Variants in WDR47 observed in about 807,000 individuals in gnomAD.
WDR47 encodes WD repeat domain 47.
In WDR47, 32 loss-of-function variants were observed where a neutral mutation model predicts 97.2. The observed-to-expected ratio is 0.33, with a 90% CI of 0.25 to 0.44. WDR47 has a LOEUF of 0.44. Among genes scored for constraint, WDR47 ranks in the 20% least tolerant of loss-of-function variants. The probability of loss-of-function intolerance (pLI) is 1.00; values close to 1 mark genes in which losing one functional copy is unlikely to be tolerated. For missense variants in WDR47, 782 were observed against 1,102.3 expected (o/e 0.71, Z 4.11); for synonymous variants, 375 against 373.5 (o/e 1.00, Z -0.05).
At chr1:109,023,316 C>T (rs200593471) in intron 2 of WDR47, 39 bp downstream of exon 2, 187 of 1,585,676 alleles carry the variant, frequency 1.2e-4, no homozygotes, top group Non-Finnish European at 1.6e-4. Flanking sequence ...AACATTTCTT[C>T]GAAGGAGCTA....
chr1:108,977,566 T>C (rs1224128611), intron 13 of WDR47, among the ~76,000 whole-genome samples: 3 of 152,206 alleles, frequency 2.0e-5, no homozygotes, highest in Non-Finnish European at 2.9e-5. Flanking sequence ...AGAACTCTTT[T>C]TAAGGCCAGG....
At chr1:108,992,311 C>T in intron 8 of WDR47, 1 of 777,802 alleles carries the variant, frequency 1.3e-6, no homozygotes, top group Admixed American at 1.8e-5. Context: ...ACCCGGAGAA[C>T]CCCACGGAAT....
At chr1:109,035,966 T>C (rs143087802) in intron 1 of WDR47, among the ~76,000 whole-genome samples, 10 of 152,158 alleles carry the variant, frequency 6.6e-5, no homozygotes, top group Non-Finnish European at 4.4e-5. Flanking sequence ...GCTAAGACTA[T>C]AGACATATGC....
intron 9 of WDR47, among the ~76,000 whole-genome samples, chr1:108,989,552 T>G (rs1178276906): frequency 6.6e-6 from 1 of 152,208 alleles, no homozygotes; most frequent in Non-Finnish European, 1.5e-5. Context: ...GTTTGCAAAA[T>G]TATATAATAG....
At chr1:109,009,129 T>C (rs1303805250) in intron 5 of WDR47, among the ~76,000 whole-genome samples, 1 of 152,192 alleles carries the variant, frequency 6.6e-6, no homozygotes, top group Admixed American at 6.5e-5. Context: ...ACAGAAATTC[T>C]GAGCCCACTG....
chr1:108,986,861 C>T (rs1383194543), intron 9 of WDR47, 181 bp from the exon 10 acceptor site: 2 of 523,110 alleles, frequency 3.8e-6, no homozygotes, highest in Admixed American at 3.5e-5. Flanking sequence ...TTACTAATAT[C>T]CTTTAAGAGG....
Position 109,011,725 on chromosome 1 carries a change from G to C in WDR47, c.328-7C>G. ...CTTGCATGGTAAATTCCAGCTGTAA[G>C]AAAAATATAAATGATCAAATAATCA... is the stretch of plus-strand genomic sequence containing the variant. On this transcript the variant is annotated splice_polypyrimidine_tract_variant and splice_region_variant and intron_variant, in intron 4 of 14. Transcript: ENST00000369962. 6.4e-7 allele frequency: 1 copy of C among 1,558,182 alleles called. No homozygotes were observed.
intron 13 of WDR47, among the ~76,000 whole-genome samples, chr1:108,978,428 G>A (rs954064028): frequency 2.6e-5 from 4 of 151,588 alleles, no homozygotes; most frequent in African/African-American, 4.8e-5. Context: ...GCAGTGAGCC[G>A]AGATTGCGCC....
At chr1:108,981,474 G>A (rs914769577) in intron 13 of WDR47, among the ~76,000 whole-genome samples, 1 of 152,136 alleles carries the variant, frequency 6.6e-6, no homozygotes, top group Non-Finnish European at 1.5e-5. Context: ...CTAAAGGTCT[G>A]AGTTCTAAAA....
At chr1:109,012,878 A>G (rs1346155401) in intron 4 of WDR47, among the ~76,000 whole-genome samples, 2 of 152,268 alleles carry the variant, frequency 1.3e-5, no homozygotes, top group East Asian at 1.9e-4. Context: ...TTCACTTTTG[A>G]ACATCATTAT....
At chr1:109,025,254 A>G (rs1662123828) in intron 1 of WDR47, among the ~76,000 whole-genome samples, 1 of 151,626 alleles carries the variant, frequency 6.6e-6, no homozygotes, top group Non-Finnish European at 1.5e-5. Flanking sequence ...CCTGGGCAAC[A>G]TGGCGAAACA....
At chr1:109,029,389 G>T (rs1042494376) in intron 1 of WDR47, among the ~76,000 whole-genome samples, 1 of 152,106 alleles carries the variant, frequency 6.6e-6, no homozygotes, top group African/African-American at 2.4e-5. Flanking sequence ...GCCAGGCGCA[G>T]TGGCTCATGC....
chr1:109,018,551 A>T (rs1303970602), intron 2 of WDR47, among the ~76,000 whole-genome samples: 1 of 152,150 alleles, frequency 6.6e-6, no homozygotes, highest in Non-Finnish European at 1.5e-5. Context: ...GCAGTGGCTC[A>T]TGTCTGTGGT....
At chr1:109,035,315 G>T (rs564688059) in intron 1 of WDR47, among the ~76,000 whole-genome samples, 62 of 151,458 alleles carry the variant, frequency 4.1e-4, no homozygotes, top group African/African-American at 1.4e-3. Flanking sequence ...TGTTCAGTGT[G>T]ATTATCTCTG....
chr1:109,004,508 A>G, intron 6 of WDR47, 84 bp downstream of exon 6: 1 of 1,443,400 alleles, frequency 6.9e-7, no homozygotes. Context: ...AAATATCAGA[A>G]AATTCTTTTT....
chr1:108,983,187 T>C (rs547631942), intron 11 of WDR47, 95 bp downstream of exon 11: 2 of 1,220,864 alleles, frequency 1.6e-6, no homozygotes, highest in Admixed American at 3.2e-5. Flanking sequence ...GATTATATTC[T>C]TGGATTTCAT....
intron 1 of WDR47, among the ~76,000 whole-genome samples, chr1:109,027,990 C>T (rs1662329214): frequency 6.6e-6 from 1 of 152,146 alleles, no homozygotes. Context: ...ATTACTTCTT[C>T]CCCTCTCCTC....
chr1:109,001,302 T>C (rs1316206150), intron 7 of WDR47, among the ~76,000 whole-genome samples: 2 of 151,610 alleles, frequency 1.3e-5, no homozygotes, highest in African/African-American at 2.4e-5. Flanking sequence ...AATGAATAAA[T>C]CAATAAATTA....
intron 8 of WDR47, 134 bp downstream of exon 8, chr1:108,995,446 G>C: frequency 2.1e-6 from 2 of 965,326 alleles, no homozygotes; most frequent in Admixed American, 2.4e-5. Context: ...GACAAATGAA[G>C]GCAGATTAGG....
Sources: gnomAD v4.1 joint callset for allele counts (sites outside exome capture counted in the v4.1 genomes callset) on GRCh38, gnomAD v4.1.1 for gene constraint, MANE v1.5 for transcripts, NCBI Gene and HGNC (gene_info 2026-07-23, HGNC 2026-07-21) for gene names.